Variants in ZFHX2 observed in about 807,000 individuals in gnomAD.
ZFHX2 encodes zinc finger homeobox protein 2.
Under a neutral mutation model 164.8 loss-of-function variants are expected in ZFHX2, and 75 were observed. The ratio of observed to expected loss-of-function variants is 0.46; its 90% CI spans 0.38 to 0.55. ZFHX2 has a LOEUF of 0.55. Ranked by LOEUF, ZFHX2 falls within the 20% of genes least tolerant of loss-of-function variation. The pLI, the probability that ZFHX2 is intolerant of heterozygous loss-of-function variation, is 0.00. For synonymous variants in ZFHX2, 1,217 were observed against 1,351.4 expected, an observed-to-expected ratio of 0.90 and a Z score of 2.18; for missense variants, 2,933 against 3,308.0, an observed-to-expected ratio of 0.89 and a Z score of 2.78.
In ZFHX2 at chr14:23,523,514, G is replaced by A. The variant is rs1198075924; in HGVS notation, c.6428C>T (p.Ala2143Val). ...TGGSSEGLLA[A>V]QRTDCPYCDV... ...ACAATAGGGGCAGTCAGTGCGCTGGGCTGCTAAGAGGCCCTCACTGCTGCC... is the reference window on the plus strand; with the variant it reads ...ACAATAGGGGCAGTCAGTGCGCTGGACTGCTAAGAGGCCCTCACTGCTGCC... The change falls in exon 9 of 10, where the codon GCC becomes GTC. Residue 2143 changes from alanine to valine, a missense_variant. Physicochemically the swap from Ala to Val is moderately conservative, Grantham distance 64. Transcript: ENST00000419474. This position sits in a 1 kb window ranked among gnomAD's most constrained non-coding sequence, Gnocchi z 4.1. The A allele has an allele frequency of 2.6e-6, 4 of 1,536,402 alleles. No individual in the cohort carries two copies. The highest frequency in any genetic ancestry group is 2.0e-5 in the Admixed American group (1 of 50,992).
Position 23,522,271 on chromosome 14 carries a change from C to T in ZFHX2, c.7410G>A (p.Gln2470=). 6.7e-7 allele frequency: 1 copy of T among 1,495,276 alleles called. No homozygotes were observed. The highest frequency in any genetic ancestry group is 2.5e-5 in the East Asian group (1 of 40,576). 92.6% of individuals were successfully genotyped at this position (1,495,276 alleles called of 1,614,324 possible). A position where few individuals can be genotyped will look rare whatever the true frequency, so the allele number is the denominator to read the frequency against. The change falls in exon 10 of 10, where the codon CAG becomes CAA. Residue 2470 remains glutamine, a synonymous_variant. Transcript: ENST00000419474. Reference sequence around the variant, plus strand: ...CCCGCCCAAAGAAGCAGAAGGATCTCTGGTGGGCAGTAGCCGGGGCCTCCC... The same window carrying T: ...CCCGCCCAAAGAAGCAGAAGGATCTTTGGTGGGCAGTAGCCGGGGCCTCCC... ...FDGEAPATAH[Q]RSFCFFGRGS...
chr14:23,548,720 T>TTC (rs371978845), intron 1 of ZFHX2, among the ~76,000 whole-genome samples: 54 of 151,450 alleles, frequency 3.6e-4, no homozygotes, highest in African/African-American at 1.2e-3. Context: ...GCTCGTGAGG[T>TTC]TCTCTCTCTC....
intron 6 of ZFHX2, among the ~76,000 whole-genome samples, chr14:23,528,005 C>G (rs1286274414): frequency 6.7e-6 from 1 of 149,678 alleles, no homozygotes; most frequent in Non-Finnish European, 1.5e-5. Context: ...CTTCCAGGTT[C>G]AAGCAATTCT....
At chr14:23,527,531 C>T in intron 7 of ZFHX2, 73 bp downstream of exon 7, 3 of 1,516,104 alleles carry the variant, frequency 2.0e-6, no homozygotes, top group Non-Finnish European at 2.7e-6. Context: ...CCTGAATACC[C>T]CTGCCTCTTC....
chr14:23,550,805 T>C (rs1214940424), intron 1 of ZFHX2, among the ~76,000 whole-genome samples: 2 of 152,178 alleles, frequency 1.3e-5, no homozygotes, highest in East Asian at 3.9e-4. Flanking sequence ...GAACGAAGAC[T>C]GAGAGTATCC....
rs1234894716 is a variant in ZFHX2, at chr14:23,530,020, G to T, written c.2875+100C>A. On this transcript the variant is annotated intron_variant, in intron 5 of 9. Transcript: ENST00000419474. ...ATGAGCCCTTTCTTTAATCAGTTTTGCTCCTTGAGCACAGACATTGCTGGG... is the reference window on the plus strand; with the variant it reads ...ATGAGCCCTTTCTTTAATCAGTTTTTCTCCTTGAGCACAGACATTGCTGGG... 4.9e-6 allele frequency: 6 copies of T among 1,227,232 alleles called. No homozygotes were observed. In the African/African-American group the frequency reaches 6.1e-5, roughly 12 times the overall value. The allele number at this position is 1,227,232 out of a possible 1,614,324, so 76.0% of individuals were successfully genotyped here.
At chr14:23,549,543 T>TA (rs554557646) in intron 1 of ZFHX2, among the ~76,000 whole-genome samples, 11 of 150,258 alleles carry the variant, frequency 7.3e-5, no homozygotes, top group East Asian at 3.9e-4. Context: ...ACTGCCTCAT[T>TA]AAAAAAAAAT....
At position 23,535,723 on chromosome 14, in the gene ZFHX2, G is replaced by A. The variant is rs190849360; in HGVS notation, c.-49-349C>T. On this transcript the variant is annotated intron_variant, in intron 1 of 9. Transcript: ENST00000419474. The surrounding 1 kb of genome is among the most constrained non-coding windows in gnomAD (Gnocchi z 4.5). ...TTCTCCTGCCTCAGCCTCCTGAGTA[G>A]CTGGGATTACAGGCTTGTGCCACCA... 5.3e-5 allele frequency among the ~76,000 whole-genome samples: 8 copies of A among 152,170 alleles called. No individual in the cohort carries two copies. The highest frequency in any genetic ancestry group is 1.2e-4 in the Non-Finnish European group (8 of 68,008).
Position 23,532,475 on chromosome 14 carries a change from A to G in ZFHX2, c.2559+92T>C, listed in dbSNP as rs1297988444. The G allele has an allele frequency of 5.1e-6, 7 of 1,374,270 alleles. No homozygotes were observed. The African/African-American group carries it at 5.8e-5, about 11-fold the overall frequency. The allele number at this position is 1,374,270 out of a possible 1,614,324, so 85.1% of individuals were successfully genotyped here. ...TTTCCTTTTTCTCCATTTGTCACCC[A>G]GGGTTTTCCTATCACTTTCTTATTC... On this transcript the variant is annotated intron_variant, in intron 3 of 9. Transcript: ENST00000419474.
Position 23,533,535 on chromosome 14 carries a change from G to A in ZFHX2, c.1791C>T (p.Val597=), listed in dbSNP as rs938139468. Residue 597 remains valine, a synonymous_variant, in exon 2 of 10, where the codon GTC becomes GTT. Transcript: ENST00000419474. This position sits in a 1 kb window ranked among gnomAD's most constrained non-coding sequence, Gnocchi z 4.8. ...GCGGCAGCCCCTGGTGCAGCATTAG[G>A]ACATTCTGCATGTGCTTCTCAGAGG... is the stretch of plus-strand genomic sequence containing the variant. The part of the protein sequence containing the change: ...HMTSEKHMQN[V]LMLHQGLPLG... 6.5e-6 allele frequency: 10 copies of A among 1,536,202 alleles called. No individual in the cohort carries two copies. Among genetic ancestry groups the A allele is most frequent in the Middle Eastern group, 1.7e-4 (1 of 5,990 alleles).
intron 3 of ZFHX2, 120 bp downstream of exon 3, chr14:23,532,447 T>G: frequency 2.4e-6 from 3 of 1,232,010 alleles, no homozygotes; most frequent in Non-Finnish European, 3.2e-6. Flanking sequence ...ACCTGGTGCA[T>G]ACTTTCCTTT....
Position 23,524,633 on chromosome 14 carries a change from G to C in ZFHX2, c.5309C>G (p.Thr1770Ser). 1 of 1,536,452 alleles carries C rather than the reference G, an allele frequency of 6.5e-7. No homozygotes were observed. Among genetic ancestry groups the C allele is most frequent in the Non-Finnish European group, 8.7e-7 (1 of 1,146,916 alleles). The change falls in exon 9 of 10, where the codon ACC (threonine) becomes AGC (serine). Residue 1770 changes from threonine (T) to serine (S), a missense_variant. Transcript: ENST00000419474. The surrounding 1 kb of genome is among the most constrained non-coding windows in gnomAD (Gnocchi z 5.6). ...KATPSPSPAH[T>S]CDQCAISFSS... Reference sequence around the variant, plus strand: ...GAAAGAAATGGCACACTGGTCACAGGTATGGGCTGGGGAAGGTGATGGAGT... The same window carrying C: ...GAAAGAAATGGCACACTGGTCACAGCTATGGGCTGGGGAAGGTGATGGAGT...
chr14:23,542,649 A>G (rs1166005622), intron 1 of ZFHX2, among the ~76,000 whole-genome samples: 1 of 152,110 alleles, frequency 6.6e-6, no homozygotes, highest in African/African-American at 2.4e-5. Context: ...GCACTCAGGG[A>G]GTTGTCCCCT....
chr14:23,536,105 C>T (rs1880116125), intron 1 of ZFHX2, among the ~76,000 whole-genome samples: 1 of 152,186 alleles, frequency 6.6e-6, no homozygotes, highest in South Asian at 2.1e-4. Flanking sequence ...CGCTGAAATC[C>T]GGGCAGCACA....
chr14:23,533,363 C>T lies in ZFHX2; in HGVS notation c.1963G>A (p.Asp655Asn). 1 of 1,445,096 alleles carries T rather than the reference C, an allele frequency of 6.9e-7. No individual in the cohort carries two copies. The highest frequency in any genetic ancestry group is 1.4e-5 in the African/African-American group (1 of 70,076). 89.5% of individuals were successfully genotyped at this position (1,445,096 alleles called of 1,614,324 possible). The change falls in exon 2 of 10, where the codon GAC becomes AAC. Residue 655 changes from aspartate (D) to asparagine (N), a missense_variant. Asp to Asn is a conservative substitution (Grantham distance 23, BLOSUM62 1). Transcript: ENST00000419474. This position sits in a 1 kb window ranked among gnomAD's most constrained non-coding sequence, Gnocchi z 4.8. ...AGTAGCTGGGCTTCCAGGGGCTTGT[C>T]TGGCCTCAGCCCCGGGCCAGCCAAG... ...TPLAGPGLRP[D>N]KPLEAQLLLN...
At chr14:23,527,904 T>TTC in intron 6 of ZFHX2, 100 bp from the exon 7 acceptor site, 1 of 434,868 alleles carries the variant, frequency 2.3e-6, no homozygotes, top group Non-Finnish European at 3.3e-6. Flanking sequence ...CCCACTCCTT[T>TTC]TTTTTTTTTT....
At chr14:23,530,064 G>A in intron 5 of ZFHX2, 56 bp downstream of exon 5, 1 of 1,439,326 alleles carries the variant, frequency 6.9e-7, no homozygotes, top group South Asian at 1.2e-5. Flanking sequence ...TTACTGCAAG[G>A]TCCCGTGAGC....
Position 23,525,220 on chromosome 14 carries a change from G to A in ZFHX2, c.4722C>T (p.His1574=). ...AGCTTTCTTCCTCTTCTATGGGCCA[G>A]TGTCCCCCTGCTCGACTTCGCTCTT... ...APEERSRAGG[H]WPIEEEESSR... Residue 1574 remains histidine, a synonymous_variant, in exon 9 of 10, where the codon CAC becomes CAT. Coordinates refer to ENST00000419474, the MANE Select transcript of ZFHX2 (RefSeq NM_033400.3). The surrounding 1 kb of genome is among the most constrained non-coding windows in gnomAD (Gnocchi z 5.9). The A allele has an allele frequency of 2.0e-6, 3 of 1,536,124 alleles. No homozygotes were observed. Among genetic ancestry groups the A allele is most frequent in the Non-Finnish European group, 1.7e-6 (2 of 1,146,906 alleles).
At chr14:23,527,901 C>CTTT (rs745574496) in intron 6 of ZFHX2, 97 bp from the exon 7 acceptor site, 241 of 448,420 alleles carry the variant, frequency 5.4e-4, no homozygotes, top group Non-Finnish European at 5.9e-4. Context: ...GCCCCCACTC[C>CTTT]TTTTTTTTTT....
Sources: allele counts gnomAD v4.1 joint callset (sites outside exome capture counted in the v4.1 genomes callset), GRCh38; gene constraint gnomAD v4.1.1; non-coding constraint Gnocchi (gnomAD v3.1); transcripts MANE v1.5; gene names NCBI Gene and HGNC (gene_info 2026-07-23, HGNC 2026-07-21).